Variants in DNMT3A observed in about 807,000 individuals in gnomAD.
DNMT3A encodes the protein DNA methyltransferase 3 alpha.
DNMT3A carries 267 observed loss-of-function variants against 117.6 expected under a neutral mutation model. The ratio of observed to expected loss-of-function variants is 2.27; its 90% CI spans 2.05 to 2.51. The LOEUF is 2.51. Ranked by LOEUF, DNMT3A falls within the 30% of genes most tolerant of loss-of-function variation. DNMT3A has a pLI of 0.00. For synonymous variants in DNMT3A, 432 were observed against 474.8 expected (o/e 0.91, Z 1.17); for missense variants, 1,029 against 1,260.2 (o/e 0.82, Z 2.78).
At chr2:25,336,448 C>T (rs940489439) in intron 1 of DNMT3A, among the ~76,000 whole-genome samples, 3 of 152,178 alleles carry the variant, frequency 2.0e-5, no homozygotes, top group African/African-American at 7.2e-5. Flanking sequence ...TGCTATCACT[C>T]GCTCGCAGAC....
chr2:25,341,657 C>T (rs1285149781), intron 1 of DNMT3A, among the ~76,000 whole-genome samples, 169 bp downstream of exon 1: 1 of 146,808 alleles, frequency 6.8e-6, no homozygotes, highest in Non-Finnish European at 1.5e-5. Flanking sequence ...GCCCGGCCCG[C>T]CGTCCCCGCC....
intron 4 of DNMT3A, among the ~76,000 whole-genome samples, chr2:25,278,036 C>CACACACACAA (rs1553422559): frequency 2.1e-5 from 1 of 47,780 alleles, no homozygotes; most frequent in Non-Finnish European, 5.2e-5. Context: ...CACACACACA[C>CACACACACAA]ACAGACACAC....
At position 25,231,130 on chromosome 2, in the gene DNMT3A, G is replaced by C. The variant is rs1005665139; in HGVS notation, c.*3149C>G. ...AGACTCTGTCCTGACCCTGGGAGCCGGGAAGACCTTAGCATTGGCCAGCGG... is the reference window on the plus strand; with the variant it reads ...AGACTCTGTCCTGACCCTGGGAGCCCGGAAGACCTTAGCATTGGCCAGCGG... On this transcript the variant is annotated 3_prime_UTR_variant, in exon 23 of 23. Coordinates refer to ENST00000321117, the MANE Select transcript of DNMT3A (RefSeq NM_022552.5). 6.6e-6 allele frequency: 1 copy of C among 152,348 alleles called. No homozygotes were observed. Among genetic ancestry groups the C allele is most frequent in the Non-Finnish European group, 1.5e-5 (1 of 68,168 alleles). The allele number at this position is 152,348 out of a possible 1,614,324, so 9.4% of individuals were successfully genotyped here. A position where few individuals can be genotyped will look rare whatever the true frequency, so the allele number is the denominator to read the frequency against.
rs772022178 is a variant in DNMT3A, at chr2:25,281,181, A to G, written c.448+1260T>C. Among the ~76,000 whole-genome samples, 2 of 152,218 alleles carry G rather than the reference A, an allele frequency of 1.3e-5. No individual in the cohort carries two copies. The highest frequency in any genetic ancestry group is 4.1e-4 in the South Asian group (2 of 4,832). On this transcript the variant is annotated intron_variant, in intron 4 of 22. Coordinates refer to ENST00000321117, the MANE Select transcript of DNMT3A (RefSeq NM_022552.5). The surrounding 1 kb of genome is among the most constrained non-coding windows in gnomAD (Gnocchi z 4.8). ...AGGACCCGTCTCCGCACCAAGTCCCATTCCAGGACAGCGGAAAATAGTAGA... is the reference window on the plus strand; with the variant it reads ...AGGACCCGTCTCCGCACCAAGTCCCGTTCCAGGACAGCGGAAAATAGTAGA...
At chr2:25,288,124 C>T (rs2032451789) in intron 3 of DNMT3A, among the ~76,000 whole-genome samples, 1 of 148,790 alleles carries the variant, frequency 6.7e-6, no homozygotes, top group Non-Finnish European at 1.5e-5. Context: ...GCATGAGCCA[C>T]CATGCCTGGC....
chr2:25,341,655 C>T (rs1206394397), intron 1 of DNMT3A, among the ~76,000 whole-genome samples, 171 bp downstream of exon 1: 3 of 146,896 alleles, frequency 2.0e-5, no homozygotes, highest in Non-Finnish European at 4.5e-5. Flanking sequence ...CAGCCCGGCC[C>T]GCCGTCCCCG....
At chr2:25,332,047 C>A (rs760632831) in intron 1 of DNMT3A, among the ~76,000 whole-genome samples, 5 of 152,376 alleles carry the variant, frequency 3.3e-5, no homozygotes, top group African/African-American at 4.8e-5. Flanking sequence ...CCACGCACAC[C>A]CTGTCCAGGC....
rs889656509 is a variant in DNMT3A at position 25,312,747 on chromosome 2, T to C, written c.72+1166A>G. 3.9e-5 allele frequency among the ~76,000 whole-genome samples: 6 copies of C among 152,176 alleles called. No homozygotes were observed. The East Asian group carries it at 5.8e-4, about 15-fold the overall frequency. On this transcript the variant is annotated intron_variant, in intron 2 of 22. Transcript: ENST00000321117. ...GGAAACAGAAACACACTCTGAAGAATGGTAAACCCAGGAAGGAGCTGAGCA... is the reference window on the plus strand; with the variant it reads ...GGAAACAGAAACACACTCTGAAGAACGGTAAACCCAGGAAGGAGCTGAGCA...
At position 25,281,560 on chromosome 2, in the gene DNMT3A, A is replaced by G; in HGVS notation, c.448+881T>C. ...TTAATCAATTTACTCATTTCATCAT[A>G]CACGCTTGGAAGGAAGACTTTTTGA... On this transcript the variant is annotated intron_variant, in intron 4 of 22. Coordinates refer to ENST00000321117, the MANE Select transcript of DNMT3A (RefSeq NM_022552.5). The surrounding 1 kb of genome is among the most constrained non-coding windows in gnomAD (Gnocchi z 4.8). 9.4e-7 allele frequency: 1 copy of G among 1,062,838 alleles called. No individual in the cohort carries two copies. The highest frequency in any genetic ancestry group is 1.1e-6 in the Non-Finnish European group (1 of 877,688). 65.8% of individuals were successfully genotyped at this position (1,062,838 alleles called of 1,614,324 possible). A position where few individuals can be genotyped will look rare whatever the true frequency, so the allele number is the denominator to read the frequency against.
chr2:25,341,671 A>G (rs1322355027), intron 1 of DNMT3A, among the ~76,000 whole-genome samples, 155 bp downstream of exon 1: 1 of 141,458 alleles, frequency 7.1e-6, no homozygotes, highest in African/African-American at 2.6e-5. Context: ...CCCCGCCTGC[A>G]GTCCCGGCCC....
In DNMT3A at chr2:25,247,944, G is replaced by A. The variant is rs1264600004; in HGVS notation, c.855+93C>T. The A allele has an allele frequency of 1.0e-5, 16 of 1,571,752 alleles. No individual in the cohort carries two copies. The highest frequency in any genetic ancestry group is 2.7e-5 in the African/African-American group (2 of 73,662). ...GTCAGGTGGAGAGAGCGAGCGGCCC[G>A]TGGGAGATGGAGAGAGGAGAGCAGG... On this transcript the variant is annotated intron_variant, in intron 7 of 22. Transcript: ENST00000321117. This position sits in a 1 kb window ranked among gnomAD's most constrained non-coding sequence, Gnocchi z 5.6.
At chr2:25,279,483 T>G (rs1177444166) in intron 4 of DNMT3A, among the ~76,000 whole-genome samples, 1 of 152,060 alleles carries the variant, frequency 6.6e-6, no homozygotes, top group African/African-American at 2.4e-5. Flanking sequence ...TGACCGAGCC[T>G]CCACACCCTG....
chr2:25,325,123 A>G (rs2034736243), intron 1 of DNMT3A, among the ~76,000 whole-genome samples: 1 of 151,654 alleles, frequency 6.6e-6, no homozygotes, highest in Non-Finnish European at 1.5e-5. Context: ...TTGCCATGAC[A>G]CAGCCCCAAA....
rs1199660980 is a variant in DNMT3A at position 25,234,014 on chromosome 2, G to T, written c.*265C>A. 3 of 336,692 alleles carry T rather than the reference G, an allele frequency of 8.9e-6. No homozygotes were observed. The highest frequency in any genetic ancestry group is 1.6e-5 in the Non-Finnish European group (3 of 190,450). 20.9% of individuals were successfully genotyped at this position (336,692 alleles called of 1,614,324 possible). A position where few individuals can be genotyped will look rare whatever the true frequency, so the allele number is the denominator to read the frequency against. ...AAGGTCTGACCGAAAAAAAAGGGAA[G>T]GGGGAGGAAGGGAAGGGAGCTTGGT... is the stretch of plus-strand genomic sequence containing the variant. On this transcript the variant is annotated 3_prime_UTR_variant, in exon 23 of 23. Coordinates refer to ENST00000321117, the MANE Select transcript of DNMT3A (RefSeq NM_022552.5). This position sits in a 1 kb window ranked among gnomAD's most constrained non-coding sequence, Gnocchi z 4.5.
At chr2:25,301,262 G>A (rs2033498917) in intron 2 of DNMT3A, among the ~76,000 whole-genome samples, 1 of 52,594 alleles carries the variant, frequency 1.9e-5, no homozygotes, top group South Asian at 6.2e-4. Flanking sequence ...GAGCGAGACT[G>A]TCTCAAAAAA....
intron 6 of DNMT3A, among the ~76,000 whole-genome samples, chr2:25,264,912 C>T (rs189256912): frequency 6.6e-6 from 1 of 152,264 alleles, no homozygotes; most frequent in Non-Finnish European, 1.5e-5. Context: ...TCCAGTCTCA[C>T]CCCCCAACCT....
rs1025567650 is a variant in DNMT3A, at chr2:25,230,801, G to T, written c.*3478C>A. On this transcript the variant is annotated 3_prime_UTR_variant, in exon 23 of 23. Coordinates refer to ENST00000321117, the MANE Select transcript of DNMT3A (RefSeq NM_022552.5). ...CTCTCGTCCCTGCAAGGGGGGGGGG[G>T]GGGGGGCCATGACCCCTGGGGCATC... The T allele has an allele frequency of 2.8e-5, 4 of 143,638 alleles. 1 individual carries two copies. Among genetic ancestry groups the T allele is most frequent in the Non-Finnish European group, 3.0e-5 (2 of 65,772 alleles). 8.9% of individuals were successfully genotyped at this position (143,638 alleles called of 1,614,324 possible).
rs1203084643 is a variant in DNMT3A, at chr2:25,237,043, G to C, written c.2409-38C>G. On this transcript the variant is annotated intron_variant, in intron 20 of 22. Coordinates refer to ENST00000321117, the MANE Select transcript of DNMT3A (RefSeq NM_022552.5). This position sits in a 1 kb window ranked among gnomAD's most constrained non-coding sequence, Gnocchi z 5.4. The stretch of plus-strand genomic sequence containing the variant: ...AGAGAGACTGTAACAACAGAAACCT[G>C]GATAACAGCGGGAAGGGCCCCAGCT... The C allele has an allele frequency of 6.2e-7, 1 of 1,606,812 alleles. No homozygotes were observed. Among genetic ancestry groups the C allele is most frequent in the African/African-American group, 1.3e-5 (1 of 74,784 alleles).
At chr2:25,287,729 A>C (rs1343448632) in intron 3 of DNMT3A, among the ~76,000 whole-genome samples, 61 of 146,160 alleles carry the variant, frequency 4.2e-4, no homozygotes, top group Non-Finnish European at 5.0e-4. Flanking sequence ...GACAGAGGAC[A>C]CCCCCGCCCC....
Sources: gnomAD v4.1 joint callset for allele counts (sites outside exome capture counted in the v4.1 genomes callset) on GRCh38, gnomAD v4.1.1 for gene constraint, Gnocchi (gnomAD v3.1) non-coding constraint, MANE v1.5 for transcripts, NCBI Gene and HGNC (gene_info 2026-07-23, HGNC 2026-07-21) for gene names.